The following SEMA3D variants were observed in gnomAD, a reference collection of about 807,000 sequenced individuals.
SEMA3D encodes semaphorin 3D, also known as semaphorin-3D.
In SEMA3D, 84 loss-of-function variants were observed where a neutral mutation model predicts 100.1. That is an observed-to-expected ratio of 0.84 (90% confidence interval 0.70 to 1.01). The LOEUF is 1.01. Ranked by LOEUF, SEMA3D falls within the 50% of genes least tolerant of loss-of-function variation. The pLI is 0.00. For missense variants in SEMA3D, 875 were observed against 934.1 expected (o/e 0.94, Z 0.82); for synonymous variants, 312 against 320.7 (o/e 0.97, Z 0.29).
chr7:85,159,337 C>G (rs1384387867), intron 1 of SEMA3D, among the ~76,000 whole-genome samples: 1 of 152,100 alleles, frequency 6.6e-6, no homozygotes, highest in Non-Finnish European at 1.5e-5. Context: ...ACAGAATCTA[C>G]CCCTTTTTAA....
At chr7:85,073,551 G>A in intron 5 of SEMA3D, among the ~76,000 whole-genome samples, 1 of 151,806 alleles carries the variant, frequency 6.6e-6, no homozygotes, top group East Asian at 1.9e-4. Context: ...CACACACCTG[G>A]TATCCTTACT....
intron 8 of SEMA3D, among the ~76,000 whole-genome samples, chr7:85,065,070 T>TGACCAA (rs1431842609): frequency 1.2e-4 from 18 of 152,178 alleles, no homozygotes; most frequent in African/African-American, 3.4e-4. Context: ...TCTGACAAGT[T>TGACCAA]ATAAGACCTT....
chr7:85,250,164 T>G, the SEMA3D span, among the ~76,000 whole-genome samples: 1 of 151,312 alleles, frequency 6.6e-6, no homozygotes, highest in Non-Finnish European at 1.5e-5. Context: ...TCCGACAGGC[T>G]TAAAAAATGG....
the SEMA3D span, among the ~76,000 whole-genome samples, chr7:85,193,054 A>C: frequency 6.6e-6 from 1 of 152,174 alleles, no homozygotes; most frequent in Non-Finnish European, 1.5e-5. Flanking sequence ...AGCGGCCAGC[A>C]CTTCATCCCA....
intron 2 of SEMA3D, chr7:85,142,862 T>A (rs1169319259): frequency 1.0e-6 from 1 of 985,068 alleles, no homozygotes; most frequent in African/African-American, 1.7e-5. Flanking sequence ...CTTTTTCTTT[T>A]CTGAATATGT....
the SEMA3D span, among the ~76,000 whole-genome samples, chr7:85,223,600 T>C: frequency 6.6e-6 from 1 of 151,466 alleles, no homozygotes; most frequent in South Asian, 2.1e-4. Context: ...AAGGACAAAA[T>C]AATGGCATTA....
At chr7:85,191,413 C>T (rs1159323283), upstream of SEMA3D, among the ~76,000 whole-genome samples, 5 of 152,048 alleles carry the variant, frequency 3.3e-5, no homozygotes, top group African/African-American at 1.2e-4. Context: ...TTTAAGTTTT[C>T]TTTTTAAAAA....
chr7:85,006,778 T>C (rs967883962), intron 18 of SEMA3D, 24 bp downstream of exon 18: 2 of 1,550,360 alleles, frequency 1.3e-6, no homozygotes, highest in Non-Finnish European at 8.8e-7. Flanking sequence ...TCAAAGTGAG[T>C]ATTCTTTGAT....
At chr7:85,000,473 T>C (rs1789625960) in intron 18 of SEMA3D, among the ~76,000 whole-genome samples, 1 of 152,158 alleles carries the variant, frequency 6.6e-6, no homozygotes, top group South Asian at 2.1e-4. Flanking sequence ...ACGGGTATAG[T>C]CTTTTGGACG....
the SEMA3D span, among the ~76,000 whole-genome samples, chr7:85,231,903 A>G: frequency 1.3e-5 from 2 of 152,220 alleles, no homozygotes; most frequent in African/African-American, 4.8e-5. Flanking sequence ...AAAAGAGGAA[A>G]AACATTTTTT....
At chr7:85,245,795 T>G in the SEMA3D span, among the ~76,000 whole-genome samples, 1 of 152,138 alleles carries the variant, frequency 6.6e-6, no homozygotes, top group Admixed American at 6.5e-5. Flanking sequence ...TTAGTAAGAT[T>G]TCTCTATTAG....
At chr7:85,249,108 C>G in the SEMA3D span, among the ~76,000 whole-genome samples, 1 of 152,168 alleles carries the variant, frequency 6.6e-6, no homozygotes, top group African/African-American at 2.4e-5. Flanking sequence ...ATCTCTTCCT[C>G]TCAACTTTGC....
In SEMA3D at chr7:85,065,133, G is replaced by A. The variant is rs553591728; in HGVS notation, c.718+291C>T. On this transcript the variant is annotated intron_variant, in intron 8 of 18. Coordinates refer to ENST00000284136, the MANE Select transcript of SEMA3D (RefSeq NM_001384900.1). ...ATTTTTATAGCATAATAGTTTATGC[G>A]TATTAAAGAATAAAATAATGATATA... Among the ~76,000 whole-genome samples, 13 of 152,048 alleles carry A rather than the reference G, an allele frequency of 8.5e-5. No individual in the cohort carries two copies. The Middle Eastern group carries it at 0.01, about 119-fold the overall frequency.
intron 2 of SEMA3D, among the ~76,000 whole-genome samples, chr7:85,139,044 G>C (rs1339616533): frequency 6.6e-6 from 1 of 152,024 alleles, no homozygotes; most frequent in Non-Finnish European, 1.5e-5. Flanking sequence ...TAAGTATAAG[G>C]GTGGCATTTA....
chr7:85,103,821 A>G (rs1481336623), intron 3 of SEMA3D, among the ~76,000 whole-genome samples: 1 of 152,088 alleles, frequency 6.6e-6, no homozygotes, highest in African/African-American at 2.4e-5. Flanking sequence ...TTGCTTAAAT[A>G]TAGAAATCAT....
chr7:85,050,669 T>A (rs1338832019), intron 9 of SEMA3D: 1 of 450,014 alleles, frequency 2.2e-6, no homozygotes, highest in Non-Finnish European at 4.0e-6. Context: ...TTCAAATCAT[T>A]TATGCAACTT....
At chr7:85,074,081 ACCG>A (rs1791853088) in intron 5 of SEMA3D, among the ~76,000 whole-genome samples, 1 of 152,152 alleles carries the variant, frequency 6.6e-6, no homozygotes, top group Non-Finnish European at 1.5e-5. Context: ...CAATTTCTTA[ACCG>A]TGGCTTCATG....
In SEMA3D at chr7:85,056,890, C is replaced by CATATATATATATATATATAT. The variant is rs10525654; in HGVS notation, c.719-1051_719-1032dup. ...AAATTTATATAGCATACATATACAG[C>CATATATATATATATATATAT]ATATATATATATATATATATATATG... On this transcript the variant is annotated intron_variant, in intron 8 of 18. Transcript: ENST00000284136. Among the ~76,000 whole-genome samples, 573 of 138,464 alleles carry CATATATATATATATATATAT rather than the reference C, an allele frequency of 4.1e-3. 4 individuals carry two copies. Among genetic ancestry groups the CATATATATATATATATATAT allele is most frequent in the Non-Finnish European group, 5.7e-3 (364 of 64,182 alleles). 90.8% of individuals were successfully genotyped at this position (138,464 alleles called of 152,430 possible). A position where few individuals can be genotyped will look rare whatever the true frequency, so the allele number is the denominator to read the frequency against.
At chr7:85,122,363 T>G (rs1789450936) in intron 2 of SEMA3D, among the ~76,000 whole-genome samples, 2 of 152,102 alleles carry the variant, frequency 1.3e-5, no homozygotes, top group Admixed American at 1.3e-4. Context: ...TAGAAATGAA[T>G]CAGAACTGGG....
Sources: allele counts gnomAD v4.1 joint callset (sites outside exome capture counted in the v4.1 genomes callset), GRCh38; gene constraint gnomAD v4.1.1; transcripts MANE v1.5; gene names NCBI Gene and HGNC (gene_info 2026-07-23, HGNC 2026-07-21).